Variants in ATXN7 observed in about 807,000 individuals in gnomAD.
The protein encoded by ATXN7 is ataxin 7.
ATXN7 carries 12 observed loss-of-function variants against 70.5 expected under a neutral mutation model. The observed-to-expected ratio is 0.17, with a 90% CI of 0.11 to 0.28. The LOEUF (loss-of-function observed/expected upper bound fraction) is 0.28. Ranked by LOEUF, ATXN7 falls within the 10% of genes least tolerant of loss-of-function variation. The probability of loss-of-function intolerance (pLI) is 1.00; values close to 1 mark genes in which losing one functional copy is unlikely to be tolerated. For synonymous variants in ATXN7, 498 were observed against 448.7 expected (o/e 1.11, Z -1.39); for missense variants, 1,256 against 1,131.7 (o/e 1.11, Z -1.58).
Position 63,895,817 on chromosome 3 carries a change from T to C in ATXN7, c.-110-2582T>C, listed in dbSNP as rs76399336. 6.8e-3 allele frequency among the ~76,000 whole-genome samples: 1,036 copies of C among 152,126 alleles called. 7 individuals carry two copies. Among genetic ancestry groups the C allele is most frequent in the African/African-American group, 0.023 (947 of 41,500 alleles). ...TCTCTCTCTGTGTCTCTCTCTCTCT[T>C]TCTTGTTTTTTCTCCTGGGGGAAAC... On this transcript the variant is annotated intron_variant, in intron 1 of 12. Coordinates refer to ENST00000674280, the MANE Select transcript of ATXN7 (RefSeq NM_001377405.1).
intron 4 of ATXN7, among the ~76,000 whole-genome samples, chr3:63,949,096 G>A (rs1027224448): frequency 6.6e-5 from 10 of 151,872 alleles, no homozygotes; most frequent in Non-Finnish European, 1.3e-4. Flanking sequence ...ATTTGCAGAC[G>A]GGTTGATTGT....
At chr3:63,941,661 T>C (rs561060817) in intron 4 of ATXN7, among the ~76,000 whole-genome samples, 1 of 152,092 alleles carries the variant, frequency 6.6e-6, no homozygotes, top group Non-Finnish European at 1.5e-5. Flanking sequence ...TATTGACTGC[T>C]TTGGTTTACG....
Position 63,996,268 on chromosome 3 carries a change from G to A in ATXN7, c.2446G>A (p.Val816Ile). 1 of 1,614,136 alleles carries A rather than the reference G, an allele frequency of 6.2e-7. No homozygotes were observed. ...CATTCACCAGTCCAATGAACTGCCT[G>A]TCAACTCCCACGGCAGTTTTTCCCA... ...PFIHQSNELP[V>I]NSHGSFSHSH... The change falls in exon 12 of 13, where the codon GTC (valine) becomes ATC (isoleucine). Residue 816 changes from valine to isoleucine, a missense_variant. Val to Ile is a conservative substitution (Grantham distance 29, BLOSUM62 3). Coordinates refer to ENST00000674280, the MANE Select transcript of ATXN7 (RefSeq NM_001377405.1).
At chr3:63,988,418 A>G (rs2075613429) in intron 9 of ATXN7, 94 bp downstream of exon 9, 7 of 1,483,400 alleles carry the variant, frequency 4.7e-6, no homozygotes, top group Non-Finnish European at 5.5e-6. Flanking sequence ...TGAGAAACAT[A>G]TCTCAGGCTC....
intron 11 of ATXN7, among the ~76,000 whole-genome samples, chr3:63,994,678 G>A (rs2075727398): frequency 6.6e-6 from 1 of 152,210 alleles, no homozygotes; most frequent in South Asian, 2.1e-4. Flanking sequence ...GGTCAGCCAG[G>A]GCTACCCCTT....
chr3:63,989,928 G>C (rs903902467), intron 9 of ATXN7, among the ~76,000 whole-genome samples: 1 of 152,180 alleles, frequency 6.6e-6, no homozygotes, highest in African/African-American at 2.4e-5. Flanking sequence ...CACCCAAATG[G>C]CAATAGAAAG....
Position 63,996,202 on chromosome 3 carries a change from A to G in ATXN7, c.2380A>G (p.Met794Val), listed in dbSNP as rs2075756207. 1 of 1,614,152 alleles carries G rather than the reference A, an allele frequency of 6.2e-7. No homozygotes were observed. ...PAESIKRMSV[M>V]VNSSDSTLSL... Reference sequence around the variant, plus strand: ...TGAATCCATCAAGAGGATGAGTGTGATGGTGAACAGCAGTGATTCTACTCT... The same window carrying G: ...TGAATCCATCAAGAGGATGAGTGTGGTGGTGAACAGCAGTGATTCTACTCT... Residue 794 changes from methionine to valine, a missense_variant, in exon 12 of 13, where the codon ATG becomes GTG. Transcript: ENST00000674280.
At chr3:63,971,816 C>T (rs554205507) in intron 5 of ATXN7, among the ~76,000 whole-genome samples, 1 of 152,186 alleles carries the variant, frequency 6.6e-6, no homozygotes, top group East Asian at 1.9e-4. Flanking sequence ...AGATATTGTG[C>T]AGATTTGGAA....
chr3:63,975,003 T>G (rs1473340133), intron 5 of ATXN7, among the ~76,000 whole-genome samples: 2 of 152,326 alleles, frequency 1.3e-5, no homozygotes, highest in Non-Finnish European at 2.9e-5. Flanking sequence ...ATTTTGAATC[T>G]TCCCACATGG....
At chr3:63,914,659 C>T (rs1344807523) in intron 4 of ATXN7, among the ~76,000 whole-genome samples, 2 of 152,108 alleles carry the variant, frequency 1.3e-5, no homozygotes, top group Non-Finnish European at 2.9e-5. Context: ...GATACATATC[C>T]TATAAAACGT....
intron 5 of ATXN7, among the ~76,000 whole-genome samples, chr3:63,965,174 A>G (rs925919830): frequency 6.6e-6 from 1 of 152,140 alleles, no homozygotes; most frequent in Non-Finnish European, 1.5e-5. Context: ...TCTATCATCC[A>G]TCCAGTTTCT....
chr3:63,913,841 CTGTT>C (rs1283058809), intron 4 of ATXN7, among the ~76,000 whole-genome samples: 1 of 152,142 alleles, frequency 6.6e-6, no homozygotes, highest in African/African-American at 2.4e-5. Flanking sequence ...TAGTTTTAAA[CTGTT>C]TGGTAAAAAG....
chr3:63,957,012 A>G (rs907121317), intron 5 of ATXN7, among the ~76,000 whole-genome samples: 2 of 152,208 alleles, frequency 1.3e-5, no homozygotes, highest in African/African-American at 4.8e-5. Flanking sequence ...TAAACTGTGT[A>G]GTACTACTTA....
At chr3:63,974,829 G>T (rs955424816) in intron 5 of ATXN7, among the ~76,000 whole-genome samples, 1 of 152,174 alleles carries the variant, frequency 6.6e-6, no homozygotes, top group Non-Finnish European at 1.5e-5. Flanking sequence ...AAAGAGCCCT[G>T]AATAAAGGGT....
intron 4 of ATXN7, among the ~76,000 whole-genome samples, chr3:63,920,450 C>G (rs1704464993): frequency 6.6e-6 from 1 of 152,166 alleles, no homozygotes; most frequent in South Asian, 2.1e-4. Context: ...TCTAATTACT[C>G]CACAGCTCAC....
chr3:63,899,354 C>T (rs539202080), intron 2 of ATXN7, among the ~76,000 whole-genome samples: 3 of 152,150 alleles, frequency 2.0e-5, no homozygotes, highest in East Asian at 1.9e-4. Context: ...GAGCCACCAA[C>T]GCCTGGCACA....
At chr3:63,929,937 A>G (rs1275976149) in intron 4 of ATXN7, among the ~76,000 whole-genome samples, 1 of 152,164 alleles carries the variant, frequency 6.6e-6, no homozygotes, top group Non-Finnish European at 1.5e-5. Context: ...TTCACACTGT[A>G]TATTGCCAGT....
rs2075812102 is a variant in ATXN7, at chr3:63,999,524, C to G, written c.*57C>G. Reference sequence around the variant, plus strand: ...GGACACTTTTGAGGACAAGTTACACCTCCACTCAGCACTCTGGACTCCACG... The same window carrying G: ...GGACACTTTTGAGGACAAGTTACACGTCCACTCAGCACTCTGGACTCCACG... On this transcript the variant is annotated 3_prime_UTR_variant, in exon 13 of 13. Coordinates refer to ENST00000674280, the MANE Select transcript of ATXN7 (RefSeq NM_001377405.1). The G allele has an allele frequency of 1.2e-6, 2 of 1,608,554 alleles. No individual in the cohort carries two copies. Among genetic ancestry groups the G allele is most frequent in the African/African-American group, 1.3e-5 (1 of 74,954 alleles).
intron 1 of ATXN7, among the ~76,000 whole-genome samples, chr3:63,892,495 C>CCA (rs376915162): frequency 0.034 from 4,279 of 126,750 alleles, 194 homozygotes; most frequent in African/African-American, 0.12. Context: ...ACACACACAC[C>CCA]CACACACACA....
Sources: allele counts gnomAD v4.1 joint callset (sites outside exome capture counted in the v4.1 genomes callset), GRCh38; gene constraint gnomAD v4.1.1; transcripts MANE v1.5; gene names NCBI Gene and HGNC (gene_info 2026-07-23, HGNC 2026-07-21).